The following SLC4A4 variants were observed in gnomAD, a reference collection of about 807,000 sequenced individuals.
The protein encoded by SLC4A4 is electrogenic sodium bicarbonate cotransporter 1.
Under a neutral mutation model 111.5 loss-of-function variants are expected in SLC4A4, and 27 were observed. The observed-to-expected ratio is 0.24, with a 90% CI of 0.18 to 0.33. SLC4A4 has a LOEUF of 0.33. Ranked by LOEUF, SLC4A4 falls within the 10% of genes least tolerant of loss-of-function variation. The pLI is 1.00. For missense variants in SLC4A4, 909 were observed against 1,315.5 expected, an observed-to-expected ratio of 0.69 and a Z score of 4.78; for synonymous variants, 443 against 463.4, an observed-to-expected ratio of 0.96 and a Z score of 0.57.
chr4:71,181,832 T>C (rs1359453056), intron 2 of SLC4A4, among the ~76,000 whole-genome samples: 1 of 152,200 alleles, frequency 6.6e-6, no homozygotes, highest in Non-Finnish European at 1.5e-5. Flanking sequence ...AGCTGTCCCT[T>C]GCCCTGTCAA....
intron 12 of SLC4A4, among the ~76,000 whole-genome samples, chr4:71,466,038 G>A (rs1727278221): frequency 6.6e-6 from 1 of 152,068 alleles, no homozygotes; most frequent in Admixed American, 6.6e-5. Flanking sequence ...CTATGTGCAA[G>A]GCGAAATCAG....
intron 18 of SLC4A4, among the ~76,000 whole-genome samples, chr4:71,537,405 A>G (rs914256584): frequency 8.4e-5 from 3 of 35,586 alleles, no homozygotes; most frequent in Non-Finnish European, 1.5e-4. Context: ...TATATTATAC[A>G]TATATGTGTG....
chr4:71,227,853 T>G (rs1475050790), intron 1 of SLC4A4, among the ~76,000 whole-genome samples: 2 of 152,218 alleles, frequency 1.3e-5, no homozygotes, highest in African/African-American at 4.8e-5. Flanking sequence ...GAAGGGAGCT[T>G]CTTTTTCCTG....
intron 1 of SLC4A4, among the ~76,000 whole-genome samples, chr4:71,066,729 C>G (rs1387103500): frequency 6.6e-6 from 1 of 152,214 alleles, no homozygotes; most frequent in Non-Finnish European, 1.5e-5. Context: ...ACTACCAGCT[C>G]AGAATCGATA....
At chr4:71,487,874 G>T (rs1209798174) in intron 15 of SLC4A4, among the ~76,000 whole-genome samples, 1 of 151,278 alleles carries the variant, frequency 6.6e-6, no homozygotes, top group African/African-American at 2.4e-5. Flanking sequence ...TGGCTCTCTT[G>T]ACTGCTTTTT....
intron 2 of SLC4A4, among the ~76,000 whole-genome samples, chr4:71,181,491 T>C (rs1745292087): frequency 6.6e-6 from 1 of 152,188 alleles, no homozygotes; most frequent in Non-Finnish European, 1.5e-5. Context: ...AGATGCTTTA[T>C]GCACATGCAA....
chr4:71,526,781 C>A (rs901119546), intron 16 of SLC4A4, among the ~76,000 whole-genome samples: 1 of 152,126 alleles, frequency 6.6e-6, no homozygotes, highest in Admixed American at 6.5e-5. Flanking sequence ...GACTGCATTC[C>A]TTCTCGAGGC....
chr4:71,143,703 T>A (rs1049721271), intron 2 of SLC4A4, among the ~76,000 whole-genome samples: 3 of 152,262 alleles, frequency 2.0e-5, no homozygotes, highest in Non-Finnish European at 4.4e-5. Context: ...TGGCCAGTGA[T>A]GATAGCATTT....
intron 2 of SLC4A4, among the ~76,000 whole-genome samples, chr4:71,105,506 A>G (rs1742888713): frequency 6.6e-6 from 1 of 151,556 alleles, no homozygotes; most frequent in Admixed American, 6.6e-5. Flanking sequence ...GCATCACACT[A>G]CCTGACTTGA....
intron 16 of SLC4A4, among the ~76,000 whole-genome samples, chr4:71,523,769 A>T (rs922988586): frequency 2.0e-5 from 3 of 152,142 alleles, no homozygotes; most frequent in African/African-American, 4.8e-5. Flanking sequence ...CTTGTGTATT[A>T]ATATAAATTG....
chr4:71,492,570 A>T (rs1044313037), intron 15 of SLC4A4, among the ~76,000 whole-genome samples: 1 of 151,998 alleles, frequency 6.6e-6, no homozygotes, highest in Non-Finnish European at 1.5e-5. Flanking sequence ...ATCCGCTGTT[A>T]GATCCCCACA....
chr4:71,401,549 G>A (rs1246831428), intron 7 of SLC4A4, among the ~76,000 whole-genome samples: 3 of 152,070 alleles, frequency 2.0e-5, no homozygotes, highest in Non-Finnish European at 2.9e-5. Context: ...GATTGCCTTT[G>A]ATTTGCTTTT....
intron 2 of SLC4A4, among the ~76,000 whole-genome samples, chr4:71,102,434 CT>C (rs1346246520): frequency 6.6e-5 from 10 of 151,680 alleles, no homozygotes; most frequent in South Asian, 6.3e-4. Flanking sequence ...CACAAACATA[CT>C]CCTCGAGAAG....
At chr4:71,402,448 C>T (rs1720454718) in intron 7 of SLC4A4, among the ~76,000 whole-genome samples, 1 of 152,150 alleles carries the variant, frequency 6.6e-6, no homozygotes, top group South Asian at 2.1e-4. Flanking sequence ...CTTTTCCTTT[C>T]CATGGCTCAG....
At chr4:71,461,483 T>C (rs1199723122) in intron 12 of SLC4A4, among the ~76,000 whole-genome samples, 1 of 152,086 alleles carries the variant, frequency 6.6e-6, no homozygotes, top group Non-Finnish European at 1.5e-5. Context: ...AGAAACCAAA[T>C]TGCGATAAAT....
At chr4:71,392,673 C>T (rs72852180) in intron 6 of SLC4A4, among the ~76,000 whole-genome samples, 5,328 of 152,084 alleles carry the variant, frequency 0.035, 319 homozygotes, top group African/African-American at 0.12. Context: ...GTGAAGCCAG[C>T]GTCACCCTAA....
intron 15 of SLC4A4, among the ~76,000 whole-genome samples, chr4:71,495,311 T>C (rs1166767927): frequency 2.0e-5 from 3 of 152,140 alleles, no homozygotes; most frequent in Non-Finnish European, 4.4e-5. Context: ...AGAAGAATTC[T>C]GCTGGTATTA....
chr4:71,212,917 T>C (rs1228800514), intron 1 of SLC4A4, among the ~76,000 whole-genome samples: 1 of 152,230 alleles, frequency 6.6e-6, no homozygotes, highest in African/African-American at 2.4e-5. Flanking sequence ...AGCAGTCCCA[T>C]AAATTTATAT....
At chr4:71,489,703 C>A (rs1334717679) in intron 15 of SLC4A4, among the ~76,000 whole-genome samples, 1 of 151,688 alleles carries the variant, frequency 6.6e-6, no homozygotes, top group Non-Finnish European at 1.5e-5. Context: ...GCTCTCCTAT[C>A]CTGAACCTTT....
Sources: gnomAD v4.1 joint callset for allele counts (sites outside exome capture counted in the v4.1 genomes callset) on GRCh38, gnomAD v4.1.1 for gene constraint, MANE v1.5 for transcripts, NCBI Gene and HGNC (gene_info 2026-07-23, HGNC 2026-07-21) for gene names.